Variants in SEPTIN12 observed in about 807,000 individuals in gnomAD.
The protein encoded by SEPTIN12 is septin-12.
In SEPTIN12, 42 loss-of-function variants were observed where a neutral mutation model predicts 37.7. The ratio of observed to expected loss-of-function variants is 1.11; its 90% CI spans 0.87 to 1.44. The LOEUF (loss-of-function observed/expected upper bound fraction) is 1.44, where lower values mean the gene tolerates loss of function less well. Ranked by LOEUF, SEPTIN12 falls within the 40% of genes most tolerant of loss-of-function variation. The pLI is 0.00. For missense variants in SEPTIN12, 613 were observed against 479.2 expected, an observed-to-expected ratio of 1.28 and a Z score of -2.61; for synonymous variants, 254 against 196.7, an observed-to-expected ratio of 1.29 and a Z score of -2.44.
chr16:4,785,539 C>T (rs1467650740), intron 4 of SEPTIN12, among the ~76,000 whole-genome samples: 8 of 151,328 alleles, frequency 5.3e-5, no homozygotes, highest in Admixed American at 2.6e-4. Flanking sequence ...TTTGGGAGGC[C>T]GAGGCGGGTG....
chr16:4,787,581 G>C lies in SEPTIN12; in HGVS notation c.65C>G (p.Pro22Arg). The change falls in exon 2 of 10, where the codon CCA (proline) becomes CGA (arginine). Residue 22 changes from proline (P) to arginine (R), a missense_variant. By Grantham distance (103) the Pro-to-Arg change is moderately radical. Transcript: ENST00000268231. ...CACAGGACCAAGCATCTCGCAGGGT[G>C]GGGTGCTGGGGCTGGAGGGCTGCGA... ...LSSQPSSPSTPPCEMLGPVGI... is the reference protein window; with the variant it reads ...LSSQPSSPSTRPCEMLGPVGI... 6.2e-7 allele frequency: 1 copy of C among 1,608,582 alleles called. No individual in the cohort carries two copies. Among genetic ancestry groups the C allele is most frequent in the Non-Finnish European group, 8.5e-7 (1 of 1,179,500 alleles).
rs1400869418 is a variant in SEPTIN12 at position 4,787,597 on chromosome 16, A to C, written c.49T>G (p.Ser17Ala). The change falls in exon 2 of 10, where the codon TCC (serine) becomes GCC (alanine). Residue 17 changes from serine (S) to alanine (A), a missense_variant. Physicochemically the swap from Ser to Ala is moderately conservative, Grantham distance 99. Coordinates refer to ENST00000268231, the MANE Select transcript of SEPTIN12 (RefSeq NM_144605.5). ...TCGCAGGGTGGGGTGCTGGGGCTGG[A>C]GGGCTGCGAGGACAGGCAGGGAGAG... ...SPSPCLSSQP[S>A]SPSTPPCEML... The C allele has an allele frequency of 1.1e-5, 17 of 1,605,414 alleles. No homozygotes were observed. The Admixed American group carries it at 2.7e-4, about 25-fold the overall frequency.
chr16:4,779,665 T>A lies in SEPTIN12; in HGVS notation c.823+25A>T, dbSNP rs934615572. ...GGTTTCCAAACTGACCCCACCTGCA[T>A]CCTACCCAGGGGCCCCGCACTGACC... On this transcript the variant is annotated intron_variant, in intron 8 of 9. Coordinates refer to ENST00000268231, the MANE Select transcript of SEPTIN12 (RefSeq NM_144605.5). 4.0e-6 allele frequency: 6 copies of A among 1,481,890 alleles called. No individual in the cohort carries two copies. In the Admixed American group the frequency reaches 1.0e-4, roughly 25 times the overall value. 91.8% of individuals were successfully genotyped at this position (1,481,890 alleles called of 1,614,324 possible).
chr16:4,787,897 A>C, intron 1 of SEPTIN12: 1 of 491,208 alleles, frequency 2.0e-6, no homozygotes, highest in Non-Finnish European at 3.7e-6. Context: ...CCGCTGCCCA[A>C]GGGTCTGCCC....
chr16:4,787,380 G>A (rs1215577075), intron 2 of SEPTIN12, 100 bp downstream of exon 2: 4 of 1,049,008 alleles, frequency 3.8e-6, no homozygotes, highest in Non-Finnish European at 5.9e-6. Flanking sequence ...GCCCACCTAA[G>A]AGATGGGGAG....
At chr16:4,790,354 A>C (rs541429286), upstream of SEPTIN12, among the ~76,000 whole-genome samples, 11 of 152,314 alleles carry the variant, frequency 7.2e-5, no homozygotes, top group African/African-American at 2.6e-4. Context: ...GTAAAACCGT[A>C]TTCACAGAAG....
At chr16:4,783,366 C>T (rs759173502) in intron 7 of SEPTIN12, 96 bp downstream of exon 7, 3 of 962,580 alleles carry the variant, frequency 3.1e-6, no homozygotes, top group African/African-American at 1.6e-5. Flanking sequence ...AATATGTGCA[C>T]ATTTCCCTGA....
chr16:4,781,210 G>T (rs1239476622), intron 7 of SEPTIN12, among the ~76,000 whole-genome samples: 1 of 149,164 alleles, frequency 6.7e-6, no homozygotes, highest in Non-Finnish European at 1.5e-5. Flanking sequence ...AGTGAGCGGA[G>T]ATCACGCCAC....
chr16:4,777,947 G>A lies in SEPTIN12; in HGVS notation c.927C>T (p.Asn309=), dbSNP rs1596248653. 1 of 1,610,262 alleles carries A rather than the reference G, an allele frequency of 6.2e-7. No individual in the cohort carries two copies. The highest frequency in any genetic ancestry group is 8.5e-7 in the Non-Finnish European group (1 of 1,178,422). ...TTTCATTGAGTCTGATGACGCGGTAGTTCTCATAGTGGATGTTGTGGGTTA... is the reference window on the plus strand; with the variant it reads ...TTTCATTGAGTCTGATGACGCGGTAATTCTCATAGTGGATGTTGTGGGTTA... The part of the protein sequence containing the change: ...KDITHNIHYE[N]YRVIRLNESH... Residue 309 remains asparagine, a synonymous_variant, in exon 10 of 10, where the codon AAC becomes AAT. Transcript: ENST00000268231.
chr16:4,781,943 CTTTTTTT>C (rs571415645), intron 7 of SEPTIN12, among the ~76,000 whole-genome samples: 3 of 47,446 alleles, frequency 6.3e-5, no homozygotes, highest in African/African-American at 1.1e-4. Flanking sequence ...CGTGCCCGGC[CTTTTTTT>C]TTTTTTTTTT....
chr16:4,782,520 C>G (rs563049841), intron 7 of SEPTIN12, among the ~76,000 whole-genome samples: 2 of 152,180 alleles, frequency 1.3e-5, no homozygotes, highest in Non-Finnish European at 2.9e-5. Context: ...ATTTGAGGAA[C>G]CACCAGACTG....
chr16:4,783,362 T>C, intron 7 of SEPTIN12, 100 bp downstream of exon 7: 2 of 925,700 alleles, frequency 2.2e-6, no homozygotes, highest in Non-Finnish European at 3.6e-6. Flanking sequence ...TAGGAATATG[T>C]GCACATTTCC....
At chr16:4,780,788 G>A (rs550330759) in intron 7 of SEPTIN12, among the ~76,000 whole-genome samples, 24 of 152,302 alleles carry the variant, frequency 1.6e-4, no homozygotes, top group African/African-American at 5.1e-4. Flanking sequence ...AGACCAGCCT[G>A]GTCAACATGG....
At chr16:4,783,241 C>T (rs551894605) in intron 7 of SEPTIN12, 5 of 580,022 alleles carry the variant, frequency 8.6e-6, no homozygotes, top group Admixed American at 2.9e-5. Context: ...ATACAAGCCC[C>T]TTATTGGGTA....
rs2082335639 is a variant in SEPTIN12 at position 4,778,279 on chromosome 16, TTCA to T, written c.824-145_824-143del. On this transcript the variant is annotated intron_variant, in intron 8 of 9. Coordinates refer to ENST00000268231, the MANE Select transcript of SEPTIN12 (RefSeq NM_144605.5). ...ATCCTGCCTTCCCTTTGTTGGTTCATTCATTCATTCACCCACTGTTGTGTTCCC... is the reference window on the plus strand; with the variant it reads ...ATCCTGCCTTCCCTTTGTTGGTTCATTTCATTCACCCACTGTTGTGTTCCC... 3.5e-6 allele frequency: 3 copies of T among 861,636 alleles called. No homozygotes were observed. In the African/African-American group the frequency reaches 5.0e-5, roughly 14 times the overall value. 53.4% of individuals were successfully genotyped at this position (861,636 alleles called of 1,614,324 possible).
At chr16:4,784,305 T>C in intron 4 of SEPTIN12, 1 of 535,614 alleles carries the variant, frequency 1.9e-6, no homozygotes, top group Non-Finnish European at 3.4e-6. Flanking sequence ...TAGTAGCACC[T>C]ACGTTGCAAG....
chr16:4,788,421 A>C (rs1050247653), upstream of SEPTIN12: 2 of 152,604 alleles, frequency 1.3e-5, no homozygotes. Context: ...CCCCACCTGG[A>C]GGCTTCTCTG....
Position 4,781,943 on chromosome 16 carries a change from C to CTTTTTTTTTTTTTT in SEPTIN12, c.726+1505_726+1518dup, listed in dbSNP as rs571415645. ...ACAGGTGTGAGCCACCGTGCCCGGC[C>CTTTTTTTTTTTTTT]TTTTTTTTTTTTTTTTTTTTTTTTT... On this transcript the variant is annotated intron_variant, in intron 7 of 9. Transcript: ENST00000268231. Among the ~76,000 whole-genome samples, 9 of 47,446 alleles carry CTTTTTTTTTTTTTT rather than the reference C, an allele frequency of 1.9e-4. 2 individuals carry two copies. Among genetic ancestry groups the CTTTTTTTTTTTTTT allele is most frequent in the Admixed American group, 3.4e-4 (1 of 2,936 alleles). 31.1% of individuals were successfully genotyped at this position (47,446 alleles called of 152,430 possible). A position where few individuals can be genotyped will look rare whatever the true frequency, so the allele number is the denominator to read the frequency against.
chr16:4,790,558 G>C (rs983628591), upstream of SEPTIN12, among the ~76,000 whole-genome samples: 1 of 152,196 alleles, frequency 6.6e-6, no homozygotes, highest in Non-Finnish European at 1.5e-5. Context: ...AGGAGGCCAA[G>C]GTGGGCAGAT....
Sources: gnomAD v4.1 joint callset for allele counts (sites outside exome capture counted in the v4.1 genomes callset) on GRCh38, gnomAD v4.1.1 for gene constraint, MANE v1.5 for transcripts, NCBI Gene and HGNC (gene_info 2026-07-23, HGNC 2026-07-21) for gene names.